Variants in MBNL2 observed in about 807,000 individuals in gnomAD.
MBNL2 encodes the protein muscleblind like splicing regulator 2.
Under a neutral mutation model 41.9 loss-of-function variants are expected in MBNL2, and 17 were observed. The ratio of observed to expected loss-of-function variants is 0.41; its 90% CI spans 0.28 to 0.61. MBNL2 has a LOEUF of 0.61. MBNL2 is among the 20% of genes least tolerant of loss of function. The pLI, the probability that MBNL2 is intolerant of heterozygous loss-of-function variation, is 0.35. For synonymous variants in MBNL2, 195 were observed against 182.9 expected (o/e 1.07, Z -0.53); for missense variants, 336 against 505.6 (o/e 0.66, Z 3.22).
At chr13:97,286,423 C>G (rs1172915546) in intron 2 of MBNL2, among the ~76,000 whole-genome samples, 1 of 152,196 alleles carries the variant, frequency 6.6e-6, no homozygotes, top group African/African-American at 2.4e-5. Context: ...TTCATCACTT[C>G]TATCATGACC....
At chr13:97,311,795 G>A (rs1043827505) in intron 2 of MBNL2, among the ~76,000 whole-genome samples, 1 of 152,128 alleles carries the variant, frequency 6.6e-6, no homozygotes, top group Non-Finnish European at 1.5e-5. Context: ...GTGGGTTAAC[G>A]TCCAACAGTC....
chr13:97,292,087 G>A (rs2056202386), intron 2 of MBNL2, among the ~76,000 whole-genome samples: 2 of 149,864 alleles, frequency 1.3e-5, no homozygotes, highest in African/African-American at 4.9e-5. Flanking sequence ...TGTAGTCCCA[G>A]CTACTCGTGA....
chr13:97,151,858 C>T, the MBNL2 span, among the ~76,000 whole-genome samples: 1 of 152,060 alleles, frequency 6.6e-6, no homozygotes, highest in African/African-American at 2.4e-5. Context: ...CCTGGAAATA[C>T]TTATAGTAAT....
chr13:97,354,089 T>C (rs1377335134), intron 5 of MBNL2, among the ~76,000 whole-genome samples: 2 of 147,918 alleles, frequency 1.4e-5, no homozygotes, highest in Non-Finnish European at 3.0e-5. Context: ...TTCTGACTCA[T>C]CACTCATGCA....
the MBNL2 span, among the ~76,000 whole-genome samples, chr13:97,208,607 C>T: frequency 6.6e-6 from 1 of 152,140 alleles, no homozygotes; most frequent in Non-Finnish European, 1.5e-5. Context: ...GTGGTAGATG[C>T]ATGTGGGTCA....
intron 8 of MBNL2, among the ~76,000 whole-genome samples, chr13:97,380,119 G>C (rs983879456): frequency 6.6e-6 from 1 of 152,180 alleles, no homozygotes; most frequent in Non-Finnish European, 1.5e-5. Flanking sequence ...AAGGAACTGA[G>C]TGCAAAGACG....
intron 1 of MBNL2, among the ~76,000 whole-genome samples, chr13:97,245,243 G>A (rs139806745): frequency 3.4e-4 from 52 of 152,318 alleles, no homozygotes; most frequent in African/African-American, 1.2e-3. Flanking sequence ...TGATCAGTTG[G>A]TGGTGGCTGT....
chr13:97,200,586 T>C, the MBNL2 span, among the ~76,000 whole-genome samples: 222 of 152,358 alleles, frequency 1.5e-3, no homozygotes, highest in African/African-American at 5.0e-3. Flanking sequence ...TTGGATTACA[T>C]TTTTCATGAT....
chr13:97,180,122 A>T, the MBNL2 span, among the ~76,000 whole-genome samples: 1 of 152,094 alleles, frequency 6.6e-6, no homozygotes, highest in South Asian at 2.1e-4. Flanking sequence ...GAGAGATGCA[A>T]TTGAAACAGA....
intron 1 of MBNL2, among the ~76,000 whole-genome samples, chr13:97,269,774 G>C (rs773498707): frequency 5.3e-5 from 8 of 152,008 alleles, no homozygotes; most frequent in Admixed American, 1.3e-4. Flanking sequence ...AAGAGGTCCA[G>C]GTACTGCTAT....
chr13:97,270,957 C>T (rs985491931), intron 1 of MBNL2, among the ~76,000 whole-genome samples: 1 of 152,074 alleles, frequency 6.6e-6, no homozygotes, highest in Non-Finnish European at 1.5e-5. Context: ...TGGAAAGGAA[C>T]AGAGAACAAG....
chr13:97,256,395 T>C (rs2047538339), intron 1 of MBNL2, among the ~76,000 whole-genome samples: 1 of 151,930 alleles, frequency 6.6e-6, no homozygotes, highest in African/African-American at 2.4e-5. Context: ...TGAAGCTGGG[T>C]GGAACCTTGG....
intron 1 of MBNL2, among the ~76,000 whole-genome samples, chr13:97,247,805 GC>G (rs2045766210): frequency 6.6e-6 from 1 of 152,112 alleles, no homozygotes; most frequent in Non-Finnish European, 1.5e-5. Context: ...TGAATCTGCA[GC>G]CAATTAATTG....
At chr13:97,323,700 G>T (rs1384061587) in intron 2 of MBNL2, among the ~76,000 whole-genome samples, 2 of 152,046 alleles carry the variant, frequency 1.3e-5, no homozygotes, top group African/African-American at 2.4e-5. Context: ...TGTTTATAAG[G>T]CTTCAGGAAG....
At chr13:97,368,722 GTGTGTTCGTGTC>G (rs892473098) in intron 8 of MBNL2, among the ~76,000 whole-genome samples, 2 of 151,870 alleles carry the variant, frequency 1.3e-5, no homozygotes, top group African/African-American at 4.8e-5. Context: ...GTGTGTGTGT[GTGTGTTCGTGTC>G]TGTGTATGTG....
At chr13:97,356,948 T>G (rs1356976059) in intron 6 of MBNL2, 99 bp downstream of exon 6, 1 of 641,306 alleles carries the variant, frequency 1.6e-6, no homozygotes, top group Non-Finnish European at 2.3e-6. Flanking sequence ...CAATCATTAT[T>G]ATTAATTTAT....
the MBNL2 span, among the ~76,000 whole-genome samples, chr13:97,211,377 C>G: frequency 6.6e-6 from 1 of 152,030 alleles, no homozygotes; most frequent in Non-Finnish European, 1.5e-5. Flanking sequence ...TTGAGAGAGA[C>G]GAGGGTTGCA....
the MBNL2 span, among the ~76,000 whole-genome samples, chr13:97,206,043 A>G: frequency 1.3e-5 from 2 of 152,178 alleles, no homozygotes; most frequent in African/African-American, 4.8e-5. Flanking sequence ...GAGATTATAG[A>G]TCAAAGCTAT....
intron 2 of MBNL2, among the ~76,000 whole-genome samples, chr13:97,307,510 T>C (rs1389528325): frequency 6.6e-6 from 1 of 152,192 alleles, no homozygotes; most frequent in Non-Finnish European, 1.5e-5. Flanking sequence ...CATACCGTTA[T>C]ATTGGATTTC....
Sources: allele counts gnomAD v4.1 joint callset (sites outside exome capture counted in the v4.1 genomes callset), GRCh38; gene constraint gnomAD v4.1.1; transcripts MANE v1.5; gene names NCBI Gene and HGNC (gene_info 2026-07-23, HGNC 2026-07-21).